The following NOL10 variants were observed in gnomAD, a reference collection of about 807,000 sequenced individuals.
NOL10 encodes H_NH0074G24.1.
In NOL10, 58 loss-of-function variants were observed where a neutral mutation model predicts 103.5. The observed-to-expected ratio is 0.56, with a 90% CI of 0.45 to 0.70. NOL10 has a LOEUF of 0.70. Among genes scored for constraint, NOL10 ranks in the 30% least tolerant of loss-of-function variants. The pLI is 0.00. For synonymous variants in NOL10, 287 were observed against 282.5 expected, an observed-to-expected ratio of 1.02 and a Z score of -0.16; for missense variants, 763 against 807.3, an observed-to-expected ratio of 0.95 and a Z score of 0.67.
At chr2:10,683,010 C>T (rs968342458) in intron 2 of NOL10, among the ~76,000 whole-genome samples, 6 of 152,144 alleles carry the variant, frequency 3.9e-5, no homozygotes, top group Admixed American at 3.9e-4. Context: ...GTCTTGAACT[C>T]CTGACCTCAT....
intron 1 of NOL10, among the ~76,000 whole-genome samples, chr2:10,684,858 G>T (rs1428270807): frequency 6.6e-6 from 1 of 152,004 alleles, no homozygotes; most frequent in East Asian, 1.9e-4. Context: ...TAGAGACAGG[G>T]TCTCATGCTT....
intron 17 of NOL10, 109 bp downstream of exon 17, chr2:10,600,744 G>C (rs1675927149): frequency 2.7e-6 from 2 of 729,032 alleles, no homozygotes; most frequent in Admixed American, 2.7e-5. Flanking sequence ...TTATACGCAG[G>C]AAAGAAAAAG....
At chr2:10,638,325 G>GTAACGTAACGTAACGTAACGTA (rs1558311245) in intron 13 of NOL10, among the ~76,000 whole-genome samples, 5 of 127,254 alleles carry the variant, frequency 3.9e-5, no homozygotes, top group African/African-American at 2.1e-4. Flanking sequence ...GACGTGACGT[G>GTAACGTAACGTAACGTAACGTA]ACGTGACGTA....
At chr2:10,645,525 A>G (rs946536593) in intron 12 of NOL10, among the ~76,000 whole-genome samples, 16 of 145,776 alleles carry the variant, frequency 1.1e-4, no homozygotes, top group African/African-American at 4.1e-4. Context: ...CAGGAACTCA[A>G]TACTATCTTT....
chr2:10,628,846 G>A (rs939767873), intron 13 of NOL10, among the ~76,000 whole-genome samples: 6 of 152,254 alleles, frequency 3.9e-5, no homozygotes, highest in East Asian at 1.9e-4. Flanking sequence ...AAAAATAACC[G>A]AGTAACTCTT....
chr2:10,603,630 C>A (rs566586415), intron 14 of NOL10, among the ~76,000 whole-genome samples: 5 of 152,290 alleles, frequency 3.3e-5, no homozygotes, highest in Admixed American at 2.0e-4. Context: ...CAAATTCCTA[C>A]CACCATATAT....
intron 13 of NOL10, among the ~76,000 whole-genome samples, chr2:10,629,647 T>C (rs1048492126): frequency 1.3e-5 from 2 of 152,212 alleles, no homozygotes; most frequent in African/African-American, 4.8e-5. Flanking sequence ...AACAACCAGA[T>C]GTTATCACTG....
chr2:10,575,024 A>G (rs10195255), intron 20 of NOL10, among the ~76,000 whole-genome samples: 122,180 of 152,236 alleles, frequency 0.8, 49,253 homozygotes, highest in Non-Finnish European at 0.82. Flanking sequence ...TCAGGAGGAT[A>G]GGATCTATGG....
At chr2:10,577,197 T>C (rs1037752851) in intron 20 of NOL10, among the ~76,000 whole-genome samples, 1 of 152,206 alleles carries the variant, frequency 6.6e-6, no homozygotes, top group African/African-American at 2.4e-5. Context: ...TCACAAGTTA[T>C]CAGAACTCGC....
chr2:10,669,834 G>A (rs1464677046), intron 6 of NOL10, among the ~76,000 whole-genome samples: 1 of 151,816 alleles, frequency 6.6e-6, no homozygotes, highest in African/African-American at 2.4e-5. Context: ...GGAGGTTACA[G>A]TGAGTGGAGA....
At chr2:10,616,641 C>A (rs1482446875) in intron 13 of NOL10, among the ~76,000 whole-genome samples, 1 of 152,078 alleles carries the variant, frequency 6.6e-6, no homozygotes, top group Non-Finnish European at 1.5e-5. Flanking sequence ...CTCAACCTCC[C>A]AGGTTCAAGC....
At position 10,643,083 on chromosome 2, in the gene NOL10, A is replaced by G. The variant is rs376043544; in HGVS notation, c.1026+1237T>C. 4.8e-4 allele frequency among the ~76,000 whole-genome samples: 73 copies of G among 152,374 alleles called. No homozygotes were observed. The Middle Eastern group carries it at 0.01, about 21-fold the overall frequency. ...AAGTTGACAGGAATATGAATGCAGT[A>G]TCTGCAAGAGTCCAGGGGAAAAGGA... On this transcript the variant is annotated intron_variant, in intron 13 of 20. Coordinates refer to ENST00000381685, the MANE Select transcript of NOL10 (RefSeq NM_024894.4).
At chr2:10,638,350 A>G (rs563510219) in intron 13 of NOL10, among the ~76,000 whole-genome samples, 13 of 150,728 alleles carry the variant, frequency 8.6e-5, no homozygotes, top group African/African-American at 1.7e-4. Flanking sequence ...AACGTAACGT[A>G]ACGTAACGTA....
Position 10,671,787 on chromosome 2 carries a change from C to T in NOL10, c.328-97G>A, listed in dbSNP as rs1680959524. On this transcript the variant is annotated intron_variant, in intron 5 of 20. Transcript: ENST00000381685. ...CTGGCAAACCAAGGAAAACCCTTAC[C>T]TCTCTCTCACTTTCTGTATCTAAAC... 2.0e-5 allele frequency: 16 copies of T among 797,748 alleles called. No homozygotes were observed. In the South Asian group the frequency reaches 2.8e-4, roughly 14 times the overall value. The allele number at this position is 797,748 out of a possible 1,614,324, so 49.4% of individuals were successfully genotyped here.
intron 13 of NOL10, among the ~76,000 whole-genome samples, chr2:10,621,201 A>C (rs1294755598): frequency 6.6e-6 from 1 of 152,192 alleles, no homozygotes; most frequent in African/African-American, 2.4e-5. Flanking sequence ...AAAAAACCAT[A>C]CACATAACGA....
At chr2:10,603,420 A>G (rs1309) in intron 14 of NOL10, among the ~76,000 whole-genome samples, 89,926 of 151,952 alleles carry the variant, frequency 0.59, 27,619 homozygotes, top group African/African-American at 0.74. Context: ...GTTCCCTTAT[A>G]CCCTCTGAGT....
chr2:10,657,094 G>A (rs561462785), intron 11 of NOL10, among the ~76,000 whole-genome samples: 18 of 152,230 alleles, frequency 1.2e-4, no homozygotes, highest in African/African-American at 4.1e-4. Context: ...CGAGGCAGGC[G>A]GATCATTTGA....
intron 12 of NOL10, among the ~76,000 whole-genome samples, chr2:10,645,942 CAT>C (rs1476896830): frequency 4.6e-4 from 59 of 127,044 alleles, no homozygotes; most frequent in African/African-American, 2.1e-3. Flanking sequence ...CACACACACA[CAT>C]ACACACACAC....
intron 12 of NOL10, among the ~76,000 whole-genome samples, chr2:10,648,139 C>T (rs932791562): frequency 6.6e-6 from 1 of 152,158 alleles, no homozygotes; most frequent in African/African-American, 2.4e-5. Flanking sequence ...AGGAGCAGGG[C>T]CCTGAACAAG....
Sources: allele counts gnomAD v4.1 joint callset (sites outside exome capture counted in the v4.1 genomes callset), GRCh38; gene constraint gnomAD v4.1.1; transcripts MANE v1.5; gene names NCBI Gene and HGNC (gene_info 2026-07-23, HGNC 2026-07-21).